The following PCP4 variants were observed in gnomAD, a reference collection of about 807,000 sequenced individuals.
The protein encoded by PCP4 is Purkinje cell protein 4, also known as calmodulin regulator protein PCP4.
PCP4 carries 8 observed loss-of-function variants against 10.0 expected under a neutral mutation model. The observed-to-expected ratio is 0.80, with a 90% confidence interval of 0.47 to 1.45. PCP4 has a LOEUF of 1.45. PCP4 is among the 40% of genes most tolerant of loss of function. The pLI is 0.00. For synonymous variants in PCP4, 21 were observed against 23.0 expected (o/e 0.91, Z 0.24); for missense variants, 54 against 74.4 (o/e 0.73, Z 1.01).
At position 39,869,314 on chromosome 21, in the gene PCP4, C is replaced by A. The variant is rs2299744; in HGVS notation, c.9+1804C>A. On this transcript the variant is annotated intron_variant, in intron 1 of 2. Transcript: ENST00000328619. ...ACTGTGCGGGTCTCCAGGGAGAAAG[C>A]GCGTGTTCCAGAGCTCACCTGTGAT... 2.8e-4 allele frequency among the ~76,000 whole-genome samples: 42 copies of A among 152,314 alleles called. No homozygotes were observed. The East Asian group carries it at 5.6e-3, about 20-fold the overall frequency.
At chr21:39,871,389 G>C (rs2087319319) in intron 1 of PCP4, among the ~76,000 whole-genome samples, 2 of 152,186 alleles carry the variant, frequency 1.3e-5, no homozygotes, top group African/African-American at 4.8e-5. Context: ...TTTGTAAGGA[G>C]CTGTATATTT....
intron 2 of PCP4, among the ~76,000 whole-genome samples, chr21:39,904,646 T>A (rs1199299265): frequency 6.6e-6 from 1 of 152,218 alleles, no homozygotes; most frequent in African/African-American, 2.4e-5. Flanking sequence ...CCTGCAGCAG[T>A]GACTCAGCTC....
intron 1 of PCP4, among the ~76,000 whole-genome samples, chr21:39,884,570 G>C (rs2087390832): frequency 6.6e-6 from 1 of 152,072 alleles, no homozygotes; most frequent in African/African-American, 2.4e-5. Flanking sequence ...GCTGAGGCAG[G>C]CAGGTCACCT....
intron 2 of PCP4, among the ~76,000 whole-genome samples, chr21:39,927,302 CT>C (rs1172557871): frequency 8.4e-6 from 1 of 118,594 alleles, no homozygotes; most frequent in South Asian, 2.9e-4. Context: ...ATCTATCTAT[CT>C]ATCTATCTAT....
In PCP4 at chr21:39,898,584, A is replaced by G; in HGVS notation, c.61+57A>G. The stretch of plus-strand genomic sequence containing the variant: ...TCTTTTGCCATCTGCAGCCCTGGGT[A>G]TGCAGCAGGTGCGGATCATACATCC... On this transcript the variant is annotated intron_variant, in intron 2 of 2. Coordinates refer to ENST00000328619, the MANE Select transcript of PCP4 (RefSeq NM_006198.3). 30 of 1,334,308 alleles carry G rather than the reference A, an allele frequency of 2.2e-5. 1 individual carries two copies. Among genetic ancestry groups the G allele is most frequent in the East Asian group, 4.6e-5 (2 of 43,498 alleles). 82.7% of individuals were successfully genotyped at this position (1,334,308 alleles called of 1,614,324 possible).
chr21:39,904,507 G>C (rs1212942186), intron 2 of PCP4, among the ~76,000 whole-genome samples: 1 of 152,220 alleles, frequency 6.6e-6, no homozygotes, highest in Non-Finnish European at 1.5e-5. Context: ...TCATGCCCGA[G>C]AGAGGAGGTC....
intron 1 of PCP4, among the ~76,000 whole-genome samples, chr21:39,880,036 T>G (rs1426746695): frequency 1.3e-5 from 2 of 152,068 alleles, no homozygotes; most frequent in Non-Finnish European, 1.5e-5. Flanking sequence ...ATGAACAAAT[T>G]AAAAACAAAA....
At chr21:39,897,033 C>T (rs1020273486) in intron 1 of PCP4, among the ~76,000 whole-genome samples, 1 of 152,114 alleles carries the variant, frequency 6.6e-6, no homozygotes, top group South Asian at 2.1e-4. Context: ...GACTCTGCCA[C>T]TCATTAGCTG....
chr21:39,894,354 G>A (rs1457315027), intron 1 of PCP4, among the ~76,000 whole-genome samples: 1 of 152,118 alleles, frequency 6.6e-6, no homozygotes, highest in Non-Finnish European at 1.5e-5. Flanking sequence ...TAGATCCCTT[G>A]GAAAACATCA....
chr21:39,904,934 G>A (rs1398015214), intron 2 of PCP4, among the ~76,000 whole-genome samples: 1 of 152,168 alleles, frequency 6.6e-6, no homozygotes, highest in Non-Finnish European at 1.5e-5. Flanking sequence ...GCTGCAACGT[G>A]TGTCAGAAAT....
chr21:39,887,639 G>A (rs2087406957), intron 1 of PCP4, among the ~76,000 whole-genome samples: 1 of 152,160 alleles, frequency 6.6e-6, no homozygotes, highest in Non-Finnish European at 1.5e-5. Context: ...AATGATCGAG[G>A]TGGCCTCAAG....
chr21:39,899,246 T>TA (rs2087471526), intron 2 of PCP4, among the ~76,000 whole-genome samples: 1 of 152,038 alleles, frequency 6.6e-6, no homozygotes, highest in Non-Finnish European at 1.5e-5. Flanking sequence ...AGCATAATAA[T>TA]AAAAAATACC....
At chr21:39,869,606 C>T (rs2087310145) in intron 1 of PCP4, among the ~76,000 whole-genome samples, 2 of 152,168 alleles carry the variant, frequency 1.3e-5, no homozygotes, top group Non-Finnish European at 2.9e-5. Flanking sequence ...TCCCTCTGAC[C>T]ATCAGCATGG....
intron 1 of PCP4, among the ~76,000 whole-genome samples, chr21:39,873,898 G>A (rs1486468753): frequency 6.6e-6 from 1 of 152,134 alleles, no homozygotes; most frequent in East Asian, 1.9e-4. Context: ...CTCACAAAGA[G>A]CTCTGAATTT....
At chr21:39,891,342 A>C (rs1205314836) in intron 1 of PCP4, among the ~76,000 whole-genome samples, 1 of 151,940 alleles carries the variant, frequency 6.6e-6, no homozygotes, top group African/African-American at 2.4e-5. Context: ...CACATCAATC[A>C]CCTCCACCTC....
At chr21:39,913,586 A>G (rs1244935308) in intron 2 of PCP4, among the ~76,000 whole-genome samples, 1 of 152,184 alleles carries the variant, frequency 6.6e-6, no homozygotes, top group East Asian at 1.9e-4. Context: ...TTTTCTTGCC[A>G]TGCGTGAAAA....
chr21:39,888,370 C>T (rs1004626947), intron 1 of PCP4, among the ~76,000 whole-genome samples: 3 of 152,174 alleles, frequency 2.0e-5, no homozygotes, highest in Non-Finnish European at 4.4e-5. Context: ...CATAAACCAC[C>T]CATTTAACAT....
chr21:39,885,605 C>A (rs2837266), intron 1 of PCP4, among the ~76,000 whole-genome samples: 29,332 of 152,206 alleles, frequency 0.19, 3,047 homozygotes, highest in South Asian at 0.38. Context: ...AGCCCATGCC[C>A]GTGGAGTCAC....
In PCP4 at chr21:39,926,138, C is replaced by T. The variant is rs1461444791; in HGVS notation, c.62-2846C>T. ...TCTAACAGCATCTGACCTTCCCCGC[C>T]GCCCCGGGAACTGGACTCTCTGAAG... On this transcript the variant is annotated intron_variant, in intron 2 of 2. Coordinates refer to ENST00000328619, the MANE Select transcript of PCP4 (RefSeq NM_006198.3). 1.4e-4 allele frequency: 61 copies of T among 451,540 alleles called. 2 individuals carry two copies. Among genetic ancestry groups the T allele is most frequent in the South Asian group, 1.6e-4 (10 of 63,704 alleles). The allele number at this position is 451,540 out of a possible 1,614,324, so 28.0% of individuals were successfully genotyped here. A position where few individuals can be genotyped will look rare whatever the true frequency, so the allele number is the denominator to read the frequency against.
Sources: gnomAD v4.1 joint callset for allele counts (sites outside exome capture counted in the v4.1 genomes callset) on GRCh38, gnomAD v4.1.1 for gene constraint, MANE v1.5 for transcripts, NCBI Gene and HGNC (gene_info 2026-07-23, HGNC 2026-07-21) for gene names.